The following GNG4 variants were observed in gnomAD, a reference collection of about 807,000 sequenced individuals.
GNG4 encodes the protein G protein subunit gamma 4.
GNG4 carries 4 observed loss-of-function variants against 5.8 expected under a neutral mutation model. That is an observed-to-expected ratio of 0.69 (90% CI 0.34 to 1.57). The LOEUF (loss-of-function observed/expected upper bound fraction) is 1.57, where lower values mean the gene tolerates loss of function less well. Ranked by LOEUF, GNG4 falls within the 40% of genes most tolerant of loss-of-function variation. The pLI, the probability that GNG4 is intolerant of heterozygous loss-of-function variation, is 0.06. For synonymous variants in GNG4, 29 were observed against 32.9 expected (o/e 0.88, Z 0.41); for missense variants, 96 against 95.1 (o/e 1.01, Z -0.04).
chr1:235,553,714 C>T (rs2102909098), intron 3 of GNG4, among the ~76,000 whole-genome samples: 1 of 152,304 alleles, frequency 6.6e-6, no homozygotes, highest in South Asian at 2.1e-4. Context: ...TAAATCCTGA[C>T]AAAACCTACA....
intron 2 of GNG4, among the ~76,000 whole-genome samples, chr1:235,593,177 G>A (rs1198165766): frequency 1.3e-5 from 2 of 152,144 alleles, no homozygotes; most frequent in Admixed American, 1.3e-4. Flanking sequence ...TTGAACTCCT[G>A]ACCTCAGGTC....
chr1:235,624,987 G>A (rs1283268586), intron 1 of GNG4, among the ~76,000 whole-genome samples: 1 of 152,184 alleles, frequency 6.6e-6, no homozygotes, highest in Admixed American at 6.5e-5. Context: ...AGGAACCACA[G>A]CCTGCTGAGG....
intron 2 of GNG4, among the ~76,000 whole-genome samples, chr1:235,588,400 T>C (rs972384112): frequency 2.0e-5 from 3 of 152,030 alleles, no homozygotes; most frequent in African/African-American, 7.2e-5. Context: ...AGCTTCTCCC[T>C]CAGCCCCTTC....
intron 3 of GNG4, among the ~76,000 whole-genome samples, chr1:235,561,342 T>C (rs1687058765): frequency 6.6e-6 from 1 of 151,874 alleles, no homozygotes; most frequent in Non-Finnish European, 1.5e-5. Flanking sequence ...TTGGTTGTTT[T>C]CTCATTGTTG....
At chr1:235,615,964 G>A in intron 1 of GNG4, 1 of 332,620 alleles carries the variant, frequency 3.0e-6, no homozygotes, top group Non-Finnish European at 5.8e-6. Context: ...ATCACCCTAA[G>A]CAACAGCCTC....
intron 3 of GNG4, among the ~76,000 whole-genome samples, chr1:235,572,490 G>T (rs185427125): frequency 7.6e-6 from 1 of 131,088 alleles, no homozygotes. Context: ...ATGAGCCACC[G>T]TGCTCTTTTT....
intron 2 of GNG4, among the ~76,000 whole-genome samples, chr1:235,593,277 C>T (rs923282788): frequency 6.6e-6 from 1 of 152,188 alleles, no homozygotes; most frequent in Non-Finnish European, 1.5e-5. Flanking sequence ...TGGGCTGCAT[C>T]TTGCAGCACA....
intron 3 of GNG4, among the ~76,000 whole-genome samples, chr1:235,576,578 A>C (rs1687490158): frequency 6.6e-6 from 1 of 152,142 alleles, no homozygotes; most frequent in Admixed American, 6.6e-5. Context: ...AATCCTCCTC[A>C]TGCCTGCGAC....
Position 235,575,639 on chromosome 1 carries a change from G to C in GNG4, c.99+8101C>G, listed in dbSNP as rs534007688. ...CTCCCAGGACAAATGAGACTGGGCA[G>C]AATGTTCCTTGGCCAGTTTTCCTTG... On this transcript the variant is annotated intron_variant, in intron 3 of 3. Coordinates refer to ENST00000391854, the MANE Select transcript of GNG4 (RefSeq NM_001098722.2). 2.0e-5 allele frequency among the ~76,000 whole-genome samples: 3 copies of C among 152,354 alleles called. No individual in the cohort carries two copies. The East Asian group carries it at 5.8e-4, about 29-fold the overall frequency.
At chr1:235,649,838 C>T (rs1226444566), upstream of GNG4, 2 of 148,418 alleles carry the variant, frequency 1.3e-5, no homozygotes, top group African/African-American at 4.9e-5. This position sits in a 1 kb window ranked among gnomAD's most constrained non-coding sequence, Gnocchi z 5.7. Context: ...CGCCCCGCGC[C>T]GCGCCTCCCG....
At chr1:235,603,258 TAATTAA>T (rs1025888504) in intron 1 of GNG4, among the ~76,000 whole-genome samples, 1 of 108,828 alleles carries the variant, frequency 9.2e-6, no homozygotes, top group Non-Finnish European at 2.0e-5. Flanking sequence ...ATGATAATAA[TAATTAA>T]TAATAATAAT....
At chr1:235,560,944 A>G (rs1310107790) in intron 3 of GNG4, among the ~76,000 whole-genome samples, 1 of 152,154 alleles carries the variant, frequency 6.6e-6, no homozygotes, top group Non-Finnish European at 1.5e-5. Context: ...GATGTTGAAC[A>G]TGTTTTCATA....
intron 2 of GNG4, among the ~76,000 whole-genome samples, chr1:235,586,536 A>G (rs573444655): frequency 6.6e-6 from 1 of 152,314 alleles, no homozygotes; most frequent in East Asian, 1.9e-4. Flanking sequence ...CTCATGACGA[A>G]ATGCGATTCC....
intron 3 of GNG4, among the ~76,000 whole-genome samples, chr1:235,582,447 C>T (rs1481034974): frequency 2.6e-5 from 4 of 152,232 alleles, no homozygotes; most frequent in African/African-American, 9.6e-5. Context: ...GAAGTCTTCC[C>T]TGAGCCATAC....
intron 1 of GNG4, among the ~76,000 whole-genome samples, chr1:235,627,560 G>A (rs575266687): frequency 1.2e-4 from 18 of 152,244 alleles, no homozygotes; most frequent in South Asian, 6.2e-4. Flanking sequence ...TGAGTGAAGG[G>A]TTTGGAAAAC....
At chr1:235,568,843 T>TTGAGA (rs1687268398) in intron 3 of GNG4, among the ~76,000 whole-genome samples, 1 of 152,008 alleles carries the variant, frequency 6.6e-6, no homozygotes, top group Non-Finnish European at 1.5e-5. Flanking sequence ...TTTCTCTTTT[T>TTGAGA]TGAGATGGAG....
intron 1 of GNG4, among the ~76,000 whole-genome samples, chr1:235,620,879 T>C (rs1003378947): frequency 6.6e-6 from 1 of 152,212 alleles, no homozygotes; most frequent in Non-Finnish European, 1.5e-5. Context: ...GTCTAAGGAA[T>C]AGCCAGTTGT....
At chr1:235,586,255 C>A (rs893892455) in intron 2 of GNG4, among the ~76,000 whole-genome samples, 31 of 152,182 alleles carry the variant, frequency 2.0e-4, no homozygotes, top group African/African-American at 7.5e-4. Flanking sequence ...TCCCCTTCAT[C>A]CCCCACTCAG....
At chr1:235,561,208 A>G (rs534227764) in intron 3 of GNG4, among the ~76,000 whole-genome samples, 2 of 151,938 alleles carry the variant, frequency 1.3e-5, no homozygotes, top group Non-Finnish European at 2.9e-5. Context: ...ACGGGGTTTC[A>G]CCGTGTTAGC....
Sources: gnomAD v4.1 joint callset for allele counts (sites outside exome capture counted in the v4.1 genomes callset) on GRCh38, gnomAD v4.1.1 for gene constraint, Gnocchi (gnomAD v3.1) non-coding constraint, MANE v1.5 for transcripts, NCBI Gene and HGNC (gene_info 2026-07-23, HGNC 2026-07-21) for gene names.